The following NRG1 variants were observed in gnomAD, a reference collection of about 807,000 sequenced individuals.
The protein encoded by NRG1 is neuregulin 1.
Under a neutral mutation model 63.8 loss-of-function variants are expected in NRG1, and 18 were observed. The ratio of observed to expected loss-of-function variants is 0.28; its 90% CI spans 0.19 to 0.42. The LOEUF (loss-of-function observed/expected upper bound fraction) is 0.42. Ranked by LOEUF, NRG1 falls within the 10% of genes least tolerant of loss-of-function variation. The pLI is 1.00. For synonymous variants in NRG1, 302 were observed against 301.3 expected (o/e 1.00, Z -0.02); for missense variants, 762 against 814.7 (o/e 0.94, Z 0.79).
At chr8:32,143,964 C>T (rs1836577991) in intron 1 of NRG1, among the ~76,000 whole-genome samples, 1 of 152,210 alleles carries the variant, frequency 6.6e-6, no homozygotes, top group Non-Finnish European at 1.5e-5. Context: ...CATTTGTGTG[C>T]ATTTATGTTT....
intron 1 of NRG1, among the ~76,000 whole-genome samples, chr8:32,509,286 G>A (rs571732092): frequency 4.9e-4 from 75 of 151,620 alleles, no homozygotes; most frequent in African/African-American, 1.7e-3. Context: ...TAGAGATGAG[G>A]TTTCACCATG....
chr8:32,184,609 A>T (rs548606787), intron 1 of NRG1, among the ~76,000 whole-genome samples: 7 of 152,268 alleles, frequency 4.6e-5, no homozygotes, highest in Admixed American at 1.3e-4. Context: ...TGAAAAAAAA[A>T]ATAAGGAAAG....
At chr8:31,689,309 T>G (rs1809242890) in intron 1 of NRG1, among the ~76,000 whole-genome samples, 1 of 152,240 alleles carries the variant, frequency 6.6e-6, no homozygotes, top group Non-Finnish European at 1.5e-5. Flanking sequence ...AACTACAGCT[T>G]TCTCACAACC....
intron 1 of NRG1, among the ~76,000 whole-genome samples, chr8:31,748,334 C>T (rs1816104641): frequency 6.6e-6 from 1 of 151,936 alleles, no homozygotes; most frequent in Admixed American, 6.6e-5. Context: ...CTTATGGGTA[C>T]TGCTAATTGT....
intron 1 of NRG1, among the ~76,000 whole-genome samples, chr8:32,406,899 A>T (rs1161373442): frequency 1.3e-5 from 2 of 152,136 alleles, no homozygotes; most frequent in African/African-American, 4.8e-5. Flanking sequence ...GATCAAAGGC[A>T]ATCTCAAACC....
rs3924999 is a variant in NRG1 at position 32,595,840 on chromosome 8, G to A, written c.113G>A (p.Arg38Gln). The A allele has an allele frequency of 0.39, 632,518 of 1,602,172 alleles. 132,325 individuals are homozygous for A. Among genetic ancestry groups the A allele is most frequent in the East Asian group, 0.77 (34,606 of 44,708 alleles). The change falls in exon 2 of 12, where the codon CGA becomes CAA. Residue 38 changes from arginine to glutamine, a missense_variant. Arg to Gln is a conservative substitution (Grantham distance 43). Coordinates refer to ENST00000356819, the Ensembl canonical transcript of NRG1. ...TTTCTTCTTTTAGCCTTGCCTCCCC[G>A]ATTGAAAGAGATGAAAAGCCAGGAA...
chr8:32,235,105 T>A (rs901031110), intron 1 of NRG1, among the ~76,000 whole-genome samples: 1 of 151,826 alleles, frequency 6.6e-6, no homozygotes, highest in South Asian at 2.1e-4. Flanking sequence ...AACTGCTGAT[T>A]GACTGTTTGA....
At chr8:32,458,366 T>C (rs1399095196) in intron 1 of NRG1, among the ~76,000 whole-genome samples, 1 of 152,206 alleles carries the variant, frequency 6.6e-6, no homozygotes, top group Non-Finnish European at 1.5e-5. Context: ...TGCTGAGCCA[T>C]GTTCTGGCCA....
chr8:31,790,118 T>G (rs1820558187), intron 1 of NRG1, among the ~76,000 whole-genome samples: 1 of 152,188 alleles, frequency 6.6e-6, no homozygotes, highest in Non-Finnish European at 1.5e-5. Context: ...GAGAGTACAT[T>G]GCCCACTAAT....
At chr8:31,990,188 T>C (rs1019767521) in intron 1 of NRG1, among the ~76,000 whole-genome samples, 12 of 152,078 alleles carry the variant, frequency 7.9e-5, no homozygotes, top group African/African-American at 2.9e-4. Context: ...CTAACTTGTC[T>C]TTAGTAAGTG....
intron 1 of NRG1, among the ~76,000 whole-genome samples, chr8:32,237,183 A>T (rs910642349): frequency 1.3e-5 from 2 of 152,154 alleles, no homozygotes; most frequent in Non-Finnish European, 1.5e-5. Flanking sequence ...GCACTTAATC[A>T]TTCCCTTATC....
intron 1 of NRG1, among the ~76,000 whole-genome samples, chr8:32,223,862 AT>A (rs973588535): frequency 2.0e-5 from 3 of 152,182 alleles, no homozygotes; most frequent in African/African-American, 7.2e-5. Context: ...GCAGCTGACT[AT>A]GAGTAAGAGG....
At chr8:31,712,116 T>C (rs1168740898) in intron 1 of NRG1, among the ~76,000 whole-genome samples, 1 of 152,146 alleles carries the variant, frequency 6.6e-6, no homozygotes, top group African/African-American at 2.4e-5. Flanking sequence ...TTCTCCTTTT[T>C]TTAATTAGCC....
At chr8:32,122,397 G>T (rs1419336617) in intron 1 of NRG1, among the ~76,000 whole-genome samples, 1 of 151,778 alleles carries the variant, frequency 6.6e-6, no homozygotes, top group Non-Finnish European at 1.5e-5. Flanking sequence ...AGGATTTCCT[G>T]TTTCTTTTTC....
intron 1 of NRG1, among the ~76,000 whole-genome samples, chr8:32,248,529 T>C (rs1563229247): frequency 6.6e-6 from 1 of 152,106 alleles, no homozygotes; most frequent in Non-Finnish European, 1.5e-5. Flanking sequence ...CTCTCTTGCA[T>C]AGAAATTACA....
chr8:32,503,951 A>G (rs1303779179), intron 1 of NRG1, among the ~76,000 whole-genome samples: 1 of 152,148 alleles, frequency 6.6e-6, no homozygotes, highest in Non-Finnish European at 1.5e-5. Context: ...TGGGCTGTCC[A>G]CATGCTCAGT....
intron 1 of NRG1, among the ~76,000 whole-genome samples, chr8:32,179,226 G>A (rs1841161716): frequency 6.7e-6 from 1 of 148,618 alleles, no homozygotes; most frequent in African/African-American, 2.5e-5. Context: ...AGGAGGGAGT[G>A]CCTATATCCA....
At chr8:32,149,918 C>G (rs764410737) in intron 1 of NRG1, among the ~76,000 whole-genome samples, 3 of 152,146 alleles carry the variant, frequency 2.0e-5, no homozygotes, top group Admixed American at 6.5e-5. Flanking sequence ...AAGGATCAAT[C>G]AATACTGAGT....
At chr8:31,757,136 C>T (rs1464555265) in intron 1 of NRG1, among the ~76,000 whole-genome samples, 2 of 152,084 alleles carry the variant, frequency 1.3e-5, no homozygotes, top group East Asian at 1.9e-4. Flanking sequence ...AGATTGGGAA[C>T]ATTTTCAGGC....
Sources: gnomAD v4.1 joint callset for allele counts (sites outside exome capture counted in the v4.1 genomes callset) on GRCh38, gnomAD v4.1.1 for gene constraint, MANE v1.5 for transcripts, NCBI Gene and HGNC (gene_info 2026-07-23, HGNC 2026-07-21) for gene names.